The following WDR72 variants were observed in gnomAD, a reference collection of about 807,000 sequenced individuals.
WDR72 encodes WD repeat-containing protein 72.
A neutral mutation model predicts 124.2 loss-of-function variants in WDR72; 120 were observed. The observed-to-expected ratio is 0.97, with a 90% confidence interval of 0.83 to 1.12. The LOEUF (loss-of-function observed/expected upper bound fraction) is 1.12. WDR72 is among the 50% of genes most tolerant of loss of function. WDR72 has a pLI of 0.00. For missense variants in WDR72, 1,387 were observed against 1,278.8 expected (o/e 1.08, Z -1.29); for synonymous variants, 452 against 441.7 (o/e 1.02, Z -0.29).
rs200748257 is a variant in WDR72 at position 53,702,154 on chromosome 15, T to C, written c.1549A>G (p.Met517Val). The C allele has an allele frequency of 1.3e-4, 205 of 1,613,632 alleles. No homozygotes were observed. The highest frequency in any genetic ancestry group is 1.6e-4 in the Non-Finnish European group (190 of 1,179,932). ...LEAGPVTSLL[M>V]SPEKFKLRGE... ...CTTACTTTAAACTTCTCTGGTGACA[T>C]CAAAAGACTTGTTACTGGACCAGCT... Residue 517 changes from methionine to valine, a missense_variant, in exon 12 of 20, where the codon ATG (methionine) becomes GTG (valine). Met to Val is a conservative substitution (Grantham distance 21). Coordinates refer to ENST00000360509, the MANE Select transcript of WDR72 (RefSeq NM_182758.4).
chr15:53,670,742 A>C (rs1432837012), intron 13 of WDR72, among the ~76,000 whole-genome samples: 2 of 152,222 alleles, frequency 1.3e-5, no homozygotes, highest in Non-Finnish European at 2.9e-5. Flanking sequence ...AATTGAGTAG[A>C]TATAACAAGT....
chr15:53,752,523 G>A (rs1287138056), intron 1 of WDR72, among the ~76,000 whole-genome samples: 2 of 152,156 alleles, frequency 1.3e-5, no homozygotes, highest in East Asian at 1.9e-4. Flanking sequence ...AGCAAACCAC[G>A]AGAAGCTAAG....
intron 1 of WDR72, among the ~76,000 whole-genome samples, chr15:53,741,035 A>C (rs1033224762): frequency 2.6e-5 from 4 of 152,206 alleles, no homozygotes; most frequent in African/African-American, 9.7e-5. Context: ...CTTTATTCTT[A>C]TTCAAATTAA....
chr15:53,618,567 TG>T (rs1376016554), intron 14 of WDR72, among the ~76,000 whole-genome samples: 1 of 152,050 alleles, frequency 6.6e-6, no homozygotes, highest in Non-Finnish European at 1.5e-5. Flanking sequence ...TGTGTTAGCT[TG>T]ACTTATTTTC....
At chr15:53,672,312 T>TAAAAAA (rs5812704) in intron 13 of WDR72, among the ~76,000 whole-genome samples, 1 of 136,448 alleles carries the variant, frequency 7.3e-6, no homozygotes, top group African/African-American at 2.7e-5. Context: ...AAATGCCGAT[T>TAAAAAA]AAAAAAAAAA....
chr15:53,741,133 C>T (rs922376420), intron 1 of WDR72, among the ~76,000 whole-genome samples: 2 of 152,118 alleles, frequency 1.3e-5, no homozygotes, highest in Non-Finnish European at 2.9e-5. Context: ...AATTGCAGGG[C>T]CCAGAGCAGT....
chr15:53,559,078 A>G (rs1404553941), intron 18 of WDR72, among the ~76,000 whole-genome samples: 1 of 152,014 alleles, frequency 6.6e-6, no homozygotes, highest in East Asian at 1.9e-4. Flanking sequence ...GTTCACAGAA[A>G]TATAGCCCAA....
At chr15:53,714,023 T>C (rs1307529184) in intron 6 of WDR72, among the ~76,000 whole-genome samples, 2 of 152,058 alleles carry the variant, frequency 1.3e-5, no homozygotes, top group African/African-American at 4.8e-5. Flanking sequence ...CTGATGCCAG[T>C]GAATAGATGA....
At chr15:53,601,059 C>T (rs2013023192) in intron 17 of WDR72, among the ~76,000 whole-genome samples, 1 of 151,926 alleles carries the variant, frequency 6.6e-6, no homozygotes, top group Non-Finnish European at 1.5e-5. Context: ...AAAAGTATTC[C>T]ATTTAACTAG....
chr15:53,603,481 G>A (rs1235336701), intron 17 of WDR72, among the ~76,000 whole-genome samples: 2 of 152,002 alleles, frequency 1.3e-5, no homozygotes, highest in Non-Finnish European at 2.9e-5. Context: ...TGGAATTTCT[G>A]GCCAGGGCAA....
chr15:53,652,962 TG>T, intron 14 of WDR72, among the ~76,000 whole-genome samples: 1 of 152,178 alleles, frequency 6.6e-6, no homozygotes. Flanking sequence ...TAAATATCAG[TG>T]GAGGCTGCTG....
intron 18 of WDR72, among the ~76,000 whole-genome samples, chr15:53,583,881 T>C (rs986438972): frequency 6.6e-6 from 1 of 152,030 alleles, no homozygotes; most frequent in African/African-American, 2.4e-5. Flanking sequence ...AAATTATTCA[T>C]TGAATATTAA....
At chr15:53,563,083 A>C (rs970325000) in intron 18 of WDR72, among the ~76,000 whole-genome samples, 1 of 151,776 alleles carries the variant, frequency 6.6e-6, no homozygotes, top group East Asian at 1.9e-4. Flanking sequence ...TAAAATATAC[A>C]CTTGGTTTTT....
At chr15:53,540,766 G>T (rs941570360) in intron 18 of WDR72, 1 of 155,454 alleles carries the variant, frequency 6.4e-6, no homozygotes, top group Non-Finnish European at 1.4e-5. Context: ...CCAGACAGTG[G>T]GCGCAGGTCA....
chr15:53,677,281 G>A (rs1005805034), intron 13 of WDR72, among the ~76,000 whole-genome samples: 3 of 152,142 alleles, frequency 2.0e-5, no homozygotes, highest in Non-Finnish European at 4.4e-5. Context: ...ATAAGTAAGT[G>A]TGATGGCTAG....
chr15:53,745,916 A>T (rs138200742), intron 1 of WDR72, among the ~76,000 whole-genome samples: 9 of 152,290 alleles, frequency 5.9e-5, no homozygotes, highest in African/African-American at 1.9e-4. Context: ...TGCTCCTTAC[A>T]CACAATTGCA....
In WDR72 at chr15:53,615,860, T is replaced by C. The variant is rs2013740806; in HGVS notation, c.2346A>G (p.Pro782=). ...MKISKKMQPK[P]SRKVDASLTI... ...TGAGACTGGCATCTACTTTTCTTGATGGCTTAGGCTGCATTTTTTTGGAGA... is the reference window on the plus strand; with the variant it reads ...TGAGACTGGCATCTACTTTTCTTGACGGCTTAGGCTGCATTTTTTTGGAGA... Residue 782 remains proline (P), a synonymous_variant, in exon 15 of 20, where the codon CCA becomes CCG. Coordinates refer to ENST00000360509, the MANE Select transcript of WDR72 (RefSeq NM_182758.4). 1 of 1,613,562 alleles carries C rather than the reference T, an allele frequency of 6.2e-7. No individual in the cohort carries two copies. The highest frequency in any genetic ancestry group is 8.5e-7 in the Non-Finnish European group (1 of 1,179,696).
chr15:53,736,552 A>C (rs1006410554), intron 1 of WDR72, among the ~76,000 whole-genome samples: 1 of 152,162 alleles, frequency 6.6e-6, no homozygotes, highest in African/African-American at 2.4e-5. Context: ...GGTGAGGAGG[A>C]CATCAATTTA....
At chr15:53,638,567 T>C (rs2014711393) in intron 14 of WDR72, among the ~76,000 whole-genome samples, 1 of 148,036 alleles carries the variant, frequency 6.8e-6, no homozygotes, top group African/African-American at 2.5e-5. Flanking sequence ...TTATATTTTC[T>C]CCTAATCACA....
Sources: gnomAD v4.1 joint callset for allele counts (sites outside exome capture counted in the v4.1 genomes callset) on GRCh38, gnomAD v4.1.1 for gene constraint, MANE v1.5 for transcripts, NCBI Gene and HGNC (gene_info 2026-07-23, HGNC 2026-07-21) for gene names.